Variants in MARK1 observed in about 807,000 individuals in gnomAD.
MARK1 encodes microtubule affinity regulating kinase 1, also known as serine/threonine-protein kinase MARK1.
A neutral mutation model predicts 96.3 loss-of-function variants in MARK1; 40 were observed. The ratio of observed to expected loss-of-function variants is 0.42; its 90% CI spans 0.32 to 0.54. The LOEUF (loss-of-function observed/expected upper bound fraction) is 0.54. Ranked by LOEUF, MARK1 falls within the 20% of genes least tolerant of loss-of-function variation. The pLI is 0.16. For synonymous variants in MARK1, 317 were observed against 341.2 expected (o/e 0.93, Z 0.78); for missense variants, 719 against 984.6 (o/e 0.73, Z 3.61).
At chr1:220,538,265 G>A (rs1660867842) in intron 1 of MARK1, among the ~76,000 whole-genome samples, 1 of 152,108 alleles carries the variant, frequency 6.6e-6, no homozygotes, top group African/African-American at 2.4e-5. Flanking sequence ...TAAGGTGTAA[G>A]GAAGGGATCC....
intron 6 of MARK1, 76 bp from the exon 7 acceptor site, chr1:220,615,863 C>A: frequency 2.7e-6 from 2 of 740,960 alleles, no homozygotes; most frequent in Non-Finnish European, 4.6e-6. Context: ...AGTAATTTAT[C>A]TAAATTGGAG....
intron 5 of MARK1, among the ~76,000 whole-genome samples, chr1:220,603,637 A>G (rs1473099014): frequency 6.6e-6 from 1 of 152,092 alleles, no homozygotes; most frequent in African/African-American, 2.4e-5. Flanking sequence ...AGACTACATG[A>G]CAGGGAGAAT....
At chr1:220,533,475 T>G (rs1027559988) in intron 1 of MARK1, among the ~76,000 whole-genome samples, 2 of 152,198 alleles carry the variant, frequency 1.3e-5, no homozygotes, top group African/African-American at 4.8e-5. Flanking sequence ...TTCCTTTGGG[T>G]GTCATTTTCT....
chr1:220,585,999 A>ACG (rs1220597891), intron 3 of MARK1, among the ~76,000 whole-genome samples: 40 of 30,630 alleles, frequency 1.3e-3, no homozygotes, highest in African/African-American at 2.1e-3. Context: ...ACACACACAC[A>ACG]CACACACACA....
At chr1:220,632,771 G>T (rs1667741260) in intron 11 of MARK1, among the ~76,000 whole-genome samples, 1 of 152,216 alleles carries the variant, frequency 6.6e-6, no homozygotes, top group Non-Finnish European at 1.5e-5. Context: ...TCAAGTGACT[G>T]ATGCTTTCAA....
At chr1:220,642,908 G>T (rs1008797711) in intron 13 of MARK1, among the ~76,000 whole-genome samples, 1 of 151,950 alleles carries the variant, frequency 6.6e-6, no homozygotes, top group African/African-American at 2.4e-5. Context: ...AGAAAGCAAC[G>T]ACAAGTACAT....
In MARK1 at chr1:220,663,369, G is replaced by C. The variant is rs928787123; in HGVS notation, c.*1203G>C. On this transcript the variant is annotated 3_prime_UTR_variant, in exon 18 of 18. Transcript: ENST00000366917. ...CATTATGCCTATAATGTGCCGCTTT[G>C]TGATTGGGCATTTGCCTACTTTTCT... 6.6e-6 allele frequency: 1 copy of C among 152,492 alleles called. No homozygotes were observed. Among genetic ancestry groups the C allele is most frequent in the South Asian group, 2.1e-4 (1 of 4,818 alleles). 9.4% of individuals were successfully genotyped at this position (152,492 alleles called of 1,614,324 possible).
intron 12 of MARK1, 73 bp from the exon 13 acceptor site, chr1:220,635,760 G>T: frequency 7.7e-7 from 1 of 1,295,798 alleles, no homozygotes; most frequent in South Asian, 1.5e-5. Context: ...TTTTAATACA[G>T]AGTTTTTGTT....
intron 3 of MARK1, among the ~76,000 whole-genome samples, chr1:220,587,365 G>C (rs12125327): frequency 2.4e-5 from 3 of 127,158 alleles, no homozygotes; most frequent in East Asian, 2.4e-4. Context: ...CTCTCTCTCT[G>C]TCTTTCTTTC....
intron 6 of MARK1, among the ~76,000 whole-genome samples, chr1:220,605,945 T>C (rs1369721834): frequency 6.6e-6 from 1 of 152,214 alleles, no homozygotes; most frequent in Non-Finnish European, 1.5e-5. Flanking sequence ...TCCAAGTCTT[T>C]GCTGTTGTGA....
At chr1:220,591,704 T>C (rs969030741) in intron 3 of MARK1, among the ~76,000 whole-genome samples, 8 of 152,236 alleles carry the variant, frequency 5.3e-5, no homozygotes, top group Admixed American at 5.2e-4. Flanking sequence ...CAAATGTATA[T>C]GCATTGATGA....
chr1:220,659,842 G>A (rs1669376756), intron 17 of MARK1, among the ~76,000 whole-genome samples: 1 of 151,922 alleles, frequency 6.6e-6, no homozygotes, highest in South Asian at 2.1e-4. Context: ...CTAGGCTGGA[G>A]TGCAGTGGCA....
At chr1:220,584,091 C>T (rs1433810971) in intron 3 of MARK1, among the ~76,000 whole-genome samples, 2 of 152,092 alleles carry the variant, frequency 1.3e-5, no homozygotes, top group African/African-American at 4.8e-5. Flanking sequence ...AGTTTTGAAA[C>T]TTGGACACAT....
chr1:220,599,904 A>G (rs760953598), intron 5 of MARK1, 41 bp downstream of exon 5: 68 of 1,388,244 alleles, frequency 4.9e-5, no homozygotes, highest in Non-Finnish European at 6.7e-5. Context: ...TTGCTGAGAC[A>G]TACAGAAATG....
chr1:220,641,158 A>G (rs1459734580), intron 13 of MARK1, among the ~76,000 whole-genome samples: 1 of 152,212 alleles, frequency 6.6e-6, no homozygotes, highest in Admixed American at 6.5e-5. Flanking sequence ...TTTCCATATT[A>G]TCTATCACAT....
intron 1 of MARK1, among the ~76,000 whole-genome samples, chr1:220,562,966 C>CA (rs944505718): frequency 1.3e-5 from 2 of 152,062 alleles, no homozygotes; most frequent in African/African-American, 4.8e-5. Flanking sequence ...TGTAGAGGGC[C>CA]AACTGTACAT....
chr1:220,610,661 G>A (rs550623558), intron 6 of MARK1, among the ~76,000 whole-genome samples: 15 of 152,240 alleles, frequency 9.9e-5, no homozygotes, highest in South Asian at 2.1e-4. Flanking sequence ...CAGCTTTTCC[G>A]CTCTGGTTTC....
At chr1:220,586,644 T>A (rs1038112884) in intron 3 of MARK1, among the ~76,000 whole-genome samples, 3 of 152,184 alleles carry the variant, frequency 2.0e-5, no homozygotes, top group Admixed American at 2.0e-4. Flanking sequence ...TTTTAATAGC[T>A]GCAAAGCATC....
In MARK1 at chr1:220,661,723, C is replaced by T. The variant is rs1669492899; in HGVS notation, c.2034-89C>T. ...TTAGGTAGTGTTATTAGGCACTGAA[C>T]TATGACCACTTAGATTTTATGTGTG... On this transcript the variant is annotated intron_variant, in intron 17 of 17. Transcript: ENST00000366917. 21 of 982,196 alleles carry T rather than the reference C, an allele frequency of 2.1e-5. No homozygotes were observed. The South Asian group carries it at 3.4e-4, about 16-fold the overall frequency. 60.8% of individuals were successfully genotyped at this position (982,196 alleles called of 1,614,324 possible).
Sources: gnomAD v4.1 joint callset for allele counts (sites outside exome capture counted in the v4.1 genomes callset) on GRCh38, gnomAD v4.1.1 for gene constraint, MANE v1.5 for transcripts, NCBI Gene and HGNC (gene_info 2026-07-23, HGNC 2026-07-21) for gene names.